Variants in AFDN observed in about 807,000 individuals in gnomAD.
AFDN encodes the protein afadin.
Under a neutral mutation model 216.6 loss-of-function variants are expected in AFDN, and 68 were observed. That is an observed-to-expected ratio of 0.31 (90% CI 0.26 to 0.38). The LOEUF (loss-of-function observed/expected upper bound fraction) is 0.38, where lower values mean the gene tolerates loss of function less well. Among genes scored for constraint, AFDN ranks in the 10% least tolerant of loss-of-function variants. AFDN has a pLI of 1.00. For synonymous variants in AFDN, 868 were observed against 853.7 expected (o/e 1.02, Z -0.29); for missense variants, 2,136 against 2,342.0 (o/e 0.91, Z 1.82).
intron 2 of AFDN, among the ~76,000 whole-genome samples, chr6:167,868,991 G>A (rs1784510236): frequency 6.6e-6 from 1 of 151,310 alleles, no homozygotes; most frequent in Admixed American, 6.6e-5. Flanking sequence ...GCCCAGGCTG[G>A]TCTCAAACTC....
rs3839648 is a variant in AFDN, at chr6:167,950,398, C to CTGTG, written c.3832-766_3832-763dup. Among the ~76,000 whole-genome samples, 740 of 148,904 alleles carry CTGTG rather than the reference C, an allele frequency of 5.0e-3. 9 individuals carry two copies. The highest frequency in any genetic ancestry group is 0.014 in the Middle Eastern group (4 of 288). On this transcript the variant is annotated intron_variant, in intron 29 of 33. Transcript: ENST00000683244. ...AAAGTATACTCATTTTTCTCTGTGTCTGTGTGTGTGTGTGTGTGTGTGTGT... is the reference window on the plus strand; with the variant it reads ...AAAGTATACTCATTTTTCTCTGTGTCTGTGTGTGTGTGTGTGTGTGTGTGTGTGT...
chr6:167,895,548 T>A (rs577597814), intron 9 of AFDN, among the ~76,000 whole-genome samples: 27 of 152,318 alleles, frequency 1.8e-4, no homozygotes, highest in South Asian at 1.5e-3. Flanking sequence ...CTTTACTCGA[T>A]GTCACAGATT....
intron 31 of AFDN, chr6:167,963,262 A>G: frequency 9.4e-7 from 1 of 1,063,342 alleles, no homozygotes; most frequent in Non-Finnish European, 1.1e-6. Context: ...CGCCCTCTGG[A>G]TGAAGAGGCT....
In AFDN at chr6:167,951,351, T is replaced by G; in HGVS notation, c.3997T>G (p.Ser1333Ala). The G allele has an allele frequency of 6.2e-7, 1 of 1,614,102 alleles. No individual in the cohort carries two copies. Among genetic ancestry groups the G allele is most frequent in the Non-Finnish European group, 8.5e-7 (1 of 1,180,006 alleles). ...TSSQEHLNHSSKSVTPASTLT... is the reference protein window; with the variant it reads ...TSSQEHLNHSAKSVTPASTLT... ...TAGCCAGGAGCATCTGAACCATTCC[T>G]CTAAGTCGGTCACCCCTGCTTCCAC... The change falls in exon 30 of 34, where the codon TCT (serine) becomes GCT (alanine). Residue 1333 changes from serine (S) to alanine (A), a missense_variant. Physicochemically the swap from Ser to Ala is moderately conservative, Grantham distance 99 (BLOSUM62 1). Coordinates refer to ENST00000683244, the MANE Select transcript of AFDN (RefSeq NM_001386888.1). The surrounding 1 kb of genome is among the most constrained non-coding windows in gnomAD (Gnocchi z 7.1).
intron 10 of AFDN, 113 bp from the exon 11 acceptor site, chr6:167,898,092 A>C: frequency 7.8e-6 from 9 of 1,157,688 alleles, no homozygotes; most frequent in African/African-American, 3.1e-5. Context: ...CTAAAAATCC[A>C]GAGCTTATTA....
At chr6:167,952,424 C>G in intron 30 of AFDN, 4 of 985,300 alleles carry the variant, frequency 4.1e-6, no homozygotes, top group Non-Finnish European at 4.8e-6. Context: ...TCAAATGGAA[C>G]TTGATTGTTT....
intron 23 of AFDN, among the ~76,000 whole-genome samples, chr6:167,939,401 T>C (rs1400396557): frequency 6.6e-6 from 1 of 152,150 alleles, no homozygotes; most frequent in Non-Finnish European, 1.5e-5. Flanking sequence ...GTAGTGCTTG[T>C]AGAACTTTTT....
intron 23 of AFDN, among the ~76,000 whole-genome samples, chr6:167,935,042 A>G (rs1355471462): frequency 6.6e-6 from 1 of 152,078 alleles, no homozygotes; most frequent in Non-Finnish European, 1.5e-5. Flanking sequence ...ATAATTTTTG[A>G]TAACTTTTTG....
rs180827913 is a variant in AFDN at position 167,871,679 on chromosome 6, G to A, written c.415-535G>A. 2.3e-3 allele frequency among the ~76,000 whole-genome samples: 352 copies of A among 152,294 alleles called. 2 individuals are homozygous for A. The highest frequency in any genetic ancestry group is 4.6e-3 in the Admixed American group (70 of 15,306). ...AAGCAAATAAATCAGATCTGGAAAC[G>A]AAGTTAGAGATTTTTGCACAAACAT... On this transcript the variant is annotated intron_variant, in intron 3 of 33. Coordinates refer to ENST00000683244, the MANE Select transcript of AFDN (RefSeq NM_001386888.1).
In AFDN at chr6:167,962,586, C is replaced by A; in HGVS notation, c.4968+19C>A. 6.2e-7 allele frequency: 1 copy of A among 1,613,848 alleles called. No individual in the cohort carries two copies. Among genetic ancestry groups the A allele is most frequent in the Non-Finnish European group, 8.5e-7 (1 of 1,179,772 alleles). ...AGAAAAGGTTATGGTCCTTTAAGGGCAGCTAGAATTTTACCAAGTTAGCCT... is the reference window on the plus strand; with the variant it reads ...AGAAAAGGTTATGGTCCTTTAAGGGAAGCTAGAATTTTACCAAGTTAGCCT... On this transcript the variant is annotated intron_variant, in intron 31 of 33. Coordinates refer to ENST00000683244, the MANE Select transcript of AFDN (RefSeq NM_001386888.1). The surrounding 1 kb of genome is among the most constrained non-coding windows in gnomAD (Gnocchi z 5.2).
intron 26 of AFDN, among the ~76,000 whole-genome samples, chr6:167,946,299 C>A (rs922937935): frequency 6.6e-6 from 1 of 152,180 alleles, no homozygotes; most frequent in African/African-American, 2.4e-5. Flanking sequence ...CAGAAGCGGC[C>A]GCCAGGAGCG....
intron 23 of AFDN, among the ~76,000 whole-genome samples, chr6:167,929,339 T>C (rs565764231): frequency 8.5e-5 from 13 of 152,244 alleles, no homozygotes; most frequent in African/African-American, 3.1e-4. Context: ...TTGTAGGCTA[T>C]ATTAATAGAA....
rs1009363628 is a variant in AFDN at position 167,917,020 on chromosome 6, C to T, written c.2566-69C>T. The T allele has an allele frequency of 5.2e-6, 7 of 1,344,294 alleles. No homozygotes were observed. The African/African-American group carries it at 1.0e-4, about 20-fold the overall frequency. The allele number at this position is 1,344,294 out of a possible 1,614,324, so 83.3% of individuals were successfully genotyped here. ...GCAAGTTATATTTTTATAAATATTA[C>T]ATAAAGGATAATATTTTTGAAATAA... is the stretch of plus-strand genomic sequence containing the variant. On this transcript the variant is annotated intron_variant, in intron 19 of 33. Transcript: ENST00000683244.
chr6:167,856,708 A>G (rs1205486488), intron 1 of AFDN, among the ~76,000 whole-genome samples: 1 of 152,094 alleles, frequency 6.6e-6, no homozygotes, highest in Non-Finnish European at 1.5e-5. Flanking sequence ...AACATGGAGA[A>G]GTTGGTACTG....
intron 19 of AFDN, 117 bp downstream of exon 19, chr6:167,915,550 G>C (rs369730885): frequency 1.4e-5 from 17 of 1,233,082 alleles, no homozygotes; most frequent in Non-Finnish European, 1.9e-5. Flanking sequence ...GGGGTTTTTC[G>C]TATGTACAAA....
intron 30 of AFDN, among the ~76,000 whole-genome samples, chr6:167,961,068 T>TA (rs527327137): frequency 0.018 from 2,720 of 148,774 alleles, 79 homozygotes; most frequent in African/African-American, 0.062. Context: ...GATTTTTATT[T>TA]AAAAAAAAAA....
In AFDN at chr6:167,875,315, G is replaced by A; in HGVS notation, c.579-20G>A. On this transcript the variant is annotated intron_variant, in intron 4 of 33. Coordinates refer to ENST00000683244, the MANE Select transcript of AFDN (RefSeq NM_001386888.1). ...AGAAAACAGTGTTTAAAATATTTTT[G>A]GTATTTTTTTTTCTTACAGTGAAAA... is the stretch of plus-strand genomic sequence containing the variant. The A allele has an allele frequency of 1.3e-6, 2 of 1,592,642 alleles. No individual in the cohort carries two copies. The highest frequency in any genetic ancestry group is 1.7e-6 in the Non-Finnish European group (2 of 1,172,196).
chr6:167,926,445 T>C (rs1792540231), intron 23 of AFDN, among the ~76,000 whole-genome samples: 1 of 152,208 alleles, frequency 6.6e-6, no homozygotes, highest in African/African-American at 2.4e-5. Context: ...GAGACCTTTA[T>C]TTTTATGTTT....
At chr6:167,850,621 G>A (rs564497962) in intron 1 of AFDN, among the ~76,000 whole-genome samples, 9 of 152,042 alleles carry the variant, frequency 5.9e-5, no homozygotes, top group East Asian at 1.9e-4. Context: ...TATCTTCATC[G>A]TTCAAATTTA....
Sources: gnomAD v4.1 joint callset for allele counts (sites outside exome capture counted in the v4.1 genomes callset) on GRCh38, gnomAD v4.1.1 for gene constraint, Gnocchi (gnomAD v3.1) non-coding constraint, MANE v1.5 for transcripts, NCBI Gene and HGNC (gene_info 2026-07-23, HGNC 2026-07-21) for gene names.